The following FBXO41 variants were observed in gnomAD, a reference collection of about 807,000 sequenced individuals.
FBXO41 encodes the protein F-box only protein 41.
In FBXO41, 33 loss-of-function variants were observed where a neutral mutation model predicts 81.6. That is an observed-to-expected ratio of 0.40 (90% confidence interval 0.31 to 0.54). The LOEUF (loss-of-function observed/expected upper bound fraction) is 0.54. Among genes scored for constraint, FBXO41 ranks in the 20% least tolerant of loss-of-function variants. The probability of loss-of-function intolerance (pLI) is 0.39; values close to 1 mark genes in which losing one functional copy is unlikely to be tolerated. For synonymous variants in FBXO41, 576 were observed against 552.7 expected (o/e 1.04, Z -0.59); for missense variants, 1,107 against 1,236.0 (o/e 0.90, Z 1.56).
chr2:73,264,895 G>A (rs1688176985), intron 5 of FBXO41, among the ~76,000 whole-genome samples: 2 of 152,044 alleles, frequency 1.3e-5, no homozygotes, highest in African/African-American at 4.8e-5. Flanking sequence ...ATGGGGTGTG[G>A]CTACACCCCT....
chr2:73,263,786 C>G lies in FBXO41; in HGVS notation c.1967G>C (p.Gly656Ala). The change falls in exon 8 of 13, where the codon GGG (glycine) becomes GCG (alanine). Residue 656 changes from glycine to alanine, a missense_variant. By Grantham distance (60) the Gly-to-Ala change is moderately conservative. Coordinates refer to ENST00000520530, the MANE Select transcript of FBXO41 (RefSeq NM_001371389.2). ...GATGCGCAGGATCAGCAGGTTCCCC[C>G]CAGCTGCCTTCAGCAGGGACTCCAG... is the stretch of plus-strand genomic sequence containing the variant. ...AGLESLLKAA[G>A]GNLLILRISH... The G allele has an allele frequency of 1.2e-6, 2 of 1,614,038 alleles. No individual in the cohort carries two copies. The highest frequency in any genetic ancestry group is 1.7e-6 in the Non-Finnish European group (2 of 1,179,892).
intron 8 of FBXO41, 149 bp from the exon 9 acceptor site, chr2:73,263,457 T>TAAAA: frequency 1.5e-6 from 1 of 658,492 alleles, no homozygotes; most frequent in Non-Finnish European, 2.4e-6. Flanking sequence ...CGTCTCCATT[T>TAAAA]AAAAAAAAAA....
At position 73,260,597 on chromosome 2, in the gene FBXO41, C is replaced by T; in HGVS notation, c.2291-50G>A. 6.4e-7 allele frequency: 1 copy of T among 1,553,396 alleles called. No individual in the cohort carries two copies. The highest frequency in any genetic ancestry group is 8.7e-7 in the Non-Finnish European group (1 of 1,148,514). ...CTGCTGACACACTCCCCAGGTCACCCCTGCAGCCAGCACCCTGGCTACCAC... is the reference window on the plus strand; with the variant it reads ...CTGCTGACACACTCCCCAGGTCACCTCTGCAGCCAGCACCCTGGCTACCAC... On this transcript the variant is annotated intron_variant, in intron 10 of 12. Coordinates refer to ENST00000520530, the MANE Select transcript of FBXO41 (RefSeq NM_001371389.2). The surrounding 1 kb of genome is among the most constrained non-coding windows in gnomAD (Gnocchi z 5.0).
At position 73,284,222 on chromosome 2, in the gene FBXO41, C is replaced by T. The variant is rs1448254289; in HGVS notation, c.-201G>A. ...AGGGCTGGGGACGCAGAAGAGCCCC[C>T]GCGTGCCCGGTCCAGACGCAGGGCC... On this transcript the variant is annotated 5_prime_UTR_variant, in exon 1 of 13. Coordinates refer to ENST00000520530, the MANE Select transcript of FBXO41 (RefSeq NM_001371389.2). The surrounding 1 kb of genome is among the most constrained non-coding windows in gnomAD (Gnocchi z 7.4). 2 of 152,176 alleles carry T rather than the reference C, an allele frequency of 1.3e-5. No individual in the cohort carries two copies. The highest frequency in any genetic ancestry group is 2.4e-5 in the African/African-American group (1 of 41,432). 9.4% of individuals were successfully genotyped at this position (152,176 alleles called of 1,614,324 possible). A position where few individuals can be genotyped will look rare whatever the true frequency, so the allele number is the denominator to read the frequency against.
chr2:73,266,381 T>C lies in FBXO41; in HGVS notation c.1131+76A>G. ...GGCGAATGCGGCATCATGGGGGAGA[T>C]GTCCAGCCATGTGAAAGGTGAGGTT... On this transcript the variant is annotated intron_variant, in intron 3 of 12. Transcript: ENST00000520530. The surrounding 1 kb of genome is among the most constrained non-coding windows in gnomAD (Gnocchi z 5.3). 1 of 1,400,100 alleles carries C rather than the reference T, an allele frequency of 7.1e-7. No individual in the cohort carries two copies. The highest frequency in any genetic ancestry group is 9.4e-7 in the Non-Finnish European group (1 of 1,058,762). The allele number at this position is 1,400,100 out of a possible 1,614,324, so 86.7% of individuals were successfully genotyped here. A position where few individuals can be genotyped will look rare whatever the true frequency, so the allele number is the denominator to read the frequency against.
At chr2:73,277,973 A>G (rs1196980447) in intron 1 of FBXO41, among the ~76,000 whole-genome samples, 1 of 152,240 alleles carries the variant, frequency 6.6e-6, no homozygotes. Flanking sequence ...GTAGGTGGGC[A>G]CATGACCCAG....
chr2:73,280,917 C>G (rs1688828643), intron 1 of FBXO41, among the ~76,000 whole-genome samples: 1 of 152,150 alleles, frequency 6.6e-6, no homozygotes, highest in African/African-American at 2.4e-5. Flanking sequence ...TTCATGTAAC[C>G]AAAGCAATTT....
chr2:73,265,089 C>CCTCGTGCAA (rs1688192107), intron 5 of FBXO41, among the ~76,000 whole-genome samples, 193 bp downstream of exon 5: 1 of 152,198 alleles, frequency 6.6e-6, no homozygotes, highest in Non-Finnish European at 1.5e-5. Flanking sequence ...GATGTGGCAT[C>CCTCGTGCAA]CTTGTGCAAC....
chr2:73,263,177 TC>T (rs1688080738), intron 9 of FBXO41, 35 bp downstream of exon 9: 9 of 1,526,798 alleles, frequency 5.9e-6, no homozygotes, highest in Admixed American at 2.0e-5. Context: ...CCCAACCGTG[TC>T]CCCCCTCCTA....
chr2:73,258,750 G>T lies in FBXO41; in HGVS notation c.*232C>A, dbSNP rs933241501. On this transcript the variant is annotated 3_prime_UTR_variant, in exon 13 of 13. Transcript: ENST00000520530. ...GAGGCTACTCCAGCCGGGGTAGGGT[G>T]GGGGTCGGAGGGCAGCTTCTGTCCA... The T allele has an allele frequency of 4.8e-5, 23 of 479,684 alleles. No homozygotes were observed. The highest frequency in any genetic ancestry group is 7.3e-5 in the Non-Finnish European group (20 of 273,746). 29.7% of individuals were successfully genotyped at this position (479,684 alleles called of 1,614,324 possible).
In FBXO41 at chr2:73,266,728, C is replaced by T. The variant is rs1290384534; in HGVS notation, c.906-46G>A. ...TACCCCAGAGCCTCAGCCTGCCTGCCCACCCACCCTCTGGAGGAGAGCCTG... is the reference window on the plus strand; with the variant it reads ...TACCCCAGAGCCTCAGCCTGCCTGCTCACCCACCCTCTGGAGGAGAGCCTG... On this transcript the variant is annotated intron_variant, in intron 2 of 12. Coordinates refer to ENST00000520530, the MANE Select transcript of FBXO41 (RefSeq NM_001371389.2). This position sits in a 1 kb window ranked among gnomAD's most constrained non-coding sequence, Gnocchi z 5.3. The T allele has an allele frequency of 3.3e-6, 5 of 1,492,792 alleles. No individual in the cohort carries two copies. Among genetic ancestry groups the T allele is most frequent in the Non-Finnish European group, 4.5e-6 (5 of 1,122,584 alleles). 92.5% of individuals were successfully genotyped at this position (1,492,792 alleles called of 1,614,324 possible).
At chr2:73,273,451 A>C (rs1172599707) in intron 1 of FBXO41, among the ~76,000 whole-genome samples, 1 of 152,138 alleles carries the variant, frequency 6.6e-6, no homozygotes, top group Non-Finnish European at 1.5e-5. Flanking sequence ...TTTCCCTTTG[A>C]GAACCATTGC....
At position 73,259,427 on chromosome 2, in the gene FBXO41, C is replaced by T. The variant is rs1325360629; in HGVS notation, c.2450-131G>A. On this transcript the variant is annotated intron_variant, in intron 11 of 12. Transcript: ENST00000520530. The surrounding 1 kb of genome is among the most constrained non-coding windows in gnomAD (Gnocchi z 4.2). ...GGAACACGACAGAGGAGAGCAGACT[C>T]ATGCCACCTGGGGGCTGGCGACCGG... 2.6e-6 allele frequency: 2 copies of T among 758,508 alleles called. No individual in the cohort carries two copies. The highest frequency in any genetic ancestry group is 4.4e-6 in the Non-Finnish European group (2 of 453,648). The allele number at this position is 758,508 out of a possible 1,614,324, so 47.0% of individuals were successfully genotyped here.
chr2:73,273,286 T>C (rs1166333309), intron 1 of FBXO41, among the ~76,000 whole-genome samples: 1 of 152,212 alleles, frequency 6.6e-6, no homozygotes, highest in East Asian at 1.9e-4. Context: ...TGGTGAGGGA[T>C]AGTTGCATTA....
At position 73,276,234 on chromosome 2, in the gene FBXO41, A is replaced by G. The variant is rs555512357; in HGVS notation, c.-138-6466T>C. On this transcript the variant is annotated intron_variant, in intron 1 of 12. Transcript: ENST00000520530. ...AGACCACCCTGGCCAACAGGGTGAA[A>G]CCCCCTCTCTACTAAAAATACAAAA... Among the ~76,000 whole-genome samples, 410 of 145,096 alleles carry G rather than the reference A, an allele frequency of 2.8e-3. 4 individuals are homozygous for G. Among genetic ancestry groups the G allele is most frequent in the African/African-American group, 9.2e-3 (364 of 39,382 alleles).
intron 1 of FBXO41, among the ~76,000 whole-genome samples, chr2:73,270,187 G>C (rs775019730): frequency 5.3e-5 from 8 of 152,178 alleles, no homozygotes; most frequent in Non-Finnish European, 8.8e-5. Flanking sequence ...GCATGCTGTA[G>C]AATTCCAGAG....
chr2:73,260,675 C>T lies in FBXO41; in HGVS notation c.2290+65G>A. The T allele has an allele frequency of 6.6e-7, 1 of 1,516,192 alleles. No homozygotes were observed. The highest frequency in any genetic ancestry group is 8.9e-7 in the Non-Finnish European group (1 of 1,124,036). The allele number at this position is 1,516,192 out of a possible 1,614,324, so 93.9% of individuals were successfully genotyped here. On this transcript the variant is annotated intron_variant, in intron 10 of 12. Coordinates refer to ENST00000520530, the MANE Select transcript of FBXO41 (RefSeq NM_001371389.2). The surrounding 1 kb of genome is among the most constrained non-coding windows in gnomAD (Gnocchi z 5.0). ...AGCCCCAAGCCCCTGTGGGATTTCA[C>T]AAGGCAGCACTGCACCCATGCCTGC...
intron 1 of FBXO41, among the ~76,000 whole-genome samples, chr2:73,277,960 C>G (rs1247202606): frequency 6.6e-6 from 1 of 152,182 alleles, no homozygotes; most frequent in Non-Finnish European, 1.5e-5. Context: ...GTTGTCAATC[C>G]TAGTAGGTGG....
rs1323261682 is a variant in FBXO41, at chr2:73,256,617, T to C, written c.*2365A>G. On this transcript the variant is annotated 3_prime_UTR_variant, in exon 13 of 13. Coordinates refer to ENST00000520530, the MANE Select transcript of FBXO41 (RefSeq NM_001371389.2). ...GAGGACTGAGGGGCTTTCCTGGAAA[T>C]AGCCAAACCCATGGGAAGTGGACGT... 2 of 152,190 alleles carry C rather than the reference T, an allele frequency of 1.3e-5. No homozygotes were observed. The highest frequency in any genetic ancestry group is 1.9e-4 in the East Asian group (1 of 5,180). The allele number at this position is 152,190 out of a possible 1,614,324, so 9.4% of individuals were successfully genotyped here.
Sources: allele counts gnomAD v4.1 joint callset (sites outside exome capture counted in the v4.1 genomes callset), GRCh38; gene constraint gnomAD v4.1.1; non-coding constraint Gnocchi (gnomAD v3.1); transcripts MANE v1.5; gene names NCBI Gene and HGNC (gene_info 2026-07-23, HGNC 2026-07-21).